The following EXT1 variants were observed in gnomAD, a reference collection of about 807,000 sequenced individuals.
The protein encoded by EXT1 is exostosin-1.
In EXT1, 20 loss-of-function variants were observed where a neutral mutation model predicts 82.5. That is an observed-to-expected ratio of 0.24 (90% CI 0.17 to 0.35). The LOEUF (loss-of-function observed/expected upper bound fraction) is 0.35. EXT1 is among the 10% of genes least tolerant of loss of function. The probability of loss-of-function intolerance (pLI) is 1.00; values close to 1 mark genes in which losing one functional copy is unlikely to be tolerated. For synonymous variants in EXT1, 348 were observed against 350.8 expected (o/e 0.99, Z 0.09); for missense variants, 757 against 936.5 (o/e 0.81, Z 2.50).
chr8:117,798,937 T>A lies in EXT1; in HGVS notation c.*775A>T, dbSNP rs1375124331. 1 of 152,278 alleles carries A rather than the reference T, an allele frequency of 6.6e-6. No individual in the cohort carries two copies. Among genetic ancestry groups the A allele is most frequent in the African/African-American group, 2.4e-5 (1 of 41,456 alleles). 9.4% of individuals were successfully genotyped at this position (152,278 alleles called of 1,614,324 possible). A position where few individuals can be genotyped will look rare whatever the true frequency, so the allele number is the denominator to read the frequency against. On this transcript the variant is annotated 3_prime_UTR_variant, in exon 11 of 11. Coordinates refer to ENST00000378204, the MANE Select transcript of EXT1 (RefSeq NM_000127.3). The stretch of plus-strand genomic sequence containing the variant: ...CTGTATTTCCATCTCACTAACATGC[T>A]GGTGGGTTATCTGGATAGTTCTTTG...
intron 1 of EXT1, among the ~76,000 whole-genome samples, chr8:117,858,295 C>T (rs904033970): frequency 3.3e-5 from 5 of 152,156 alleles, no homozygotes; most frequent in African/African-American, 1.2e-4. Flanking sequence ...ATGGAGAAAA[C>T]GATTCTTTCA....
chr8:117,978,060 G>T (rs1815106275), intron 1 of EXT1, among the ~76,000 whole-genome samples: 1 of 152,204 alleles, frequency 6.6e-6, no homozygotes, highest in African/African-American at 2.4e-5. Flanking sequence ...GTATCTATTT[G>T]AAAGAAGGCA....
intron 1 of EXT1, among the ~76,000 whole-genome samples, chr8:118,013,814 T>C (rs1370661041): frequency 6.6e-6 from 1 of 152,252 alleles, no homozygotes; most frequent in Non-Finnish European, 1.5e-5. Flanking sequence ...GATATACTTA[T>C]ACTAGTCATT....
chr8:118,051,242 G>C (rs1349007521), intron 1 of EXT1, among the ~76,000 whole-genome samples: 2 of 152,100 alleles, frequency 1.3e-5, no homozygotes, highest in African/African-American at 4.8e-5. Context: ...GAGGCTGAGA[G>C]GCGGGTGGAT....
intron 1 of EXT1, among the ~76,000 whole-genome samples, chr8:117,993,243 A>G (rs570357301): frequency 2.0e-5 from 3 of 152,368 alleles, no homozygotes; most frequent in African/African-American, 7.2e-5. Flanking sequence ...TTTTAAAAAA[A>G]AAGGAGAAAT....
At chr8:117,861,526 G>GCC (rs1554581959) in intron 1 of EXT1, among the ~76,000 whole-genome samples, 7 of 82,758 alleles carry the variant, frequency 8.5e-5, no homozygotes, top group Non-Finnish European at 1.2e-4. Context: ...ATAGAGTCTT[G>GCC]CTCTGTCACC....
chr8:118,052,660 G>C (rs1816736975), intron 1 of EXT1, among the ~76,000 whole-genome samples: 1 of 152,198 alleles, frequency 6.6e-6, no homozygotes, highest in Non-Finnish European at 1.5e-5. Flanking sequence ...CTCTCCAAAA[G>C]AAGTACTAGT....
intron 1 of EXT1, among the ~76,000 whole-genome samples, chr8:118,014,393 A>C (rs1435603197): frequency 1.3e-5 from 2 of 152,128 alleles, no homozygotes; most frequent in Non-Finnish European, 2.9e-5. Flanking sequence ...TATGCAAAAT[A>C]GTCTTGAATT....
chr8:117,837,511 G>A (rs183063878), intron 1 of EXT1, among the ~76,000 whole-genome samples: 7 of 152,248 alleles, frequency 4.6e-5, no homozygotes, highest in Non-Finnish European at 8.8e-5. Context: ...TTTAAGTCTT[G>A]ATAAAATATG....
intron 1 of EXT1, among the ~76,000 whole-genome samples, chr8:117,968,549 A>ATTTTTTTTTTTTTTTTTTTTTTT (rs1467121297): frequency 8.8e-5 from 1 of 11,318 alleles, no homozygotes; most frequent in Admixed American, 1.0e-3. Context: ...TTATTTATTT[A>ATTTTTTTTTTTTTTTTTTTTTTT]TTTATTTTTT....
intron 1 of EXT1, among the ~76,000 whole-genome samples, chr8:118,014,633 T>A (rs1323248791): frequency 3.3e-5 from 5 of 152,024 alleles, no homozygotes; most frequent in Non-Finnish European, 5.9e-5. Context: ...AGAGATGGAG[T>A]CTTGCTATGT....
intron 1 of EXT1, among the ~76,000 whole-genome samples, chr8:117,902,177 T>A (rs1813462261): frequency 6.6e-6 from 1 of 152,100 alleles, no homozygotes; most frequent in Non-Finnish European, 1.5e-5. Flanking sequence ...CGCATGGAGC[T>A]GTCATCTCCT....
chr8:118,018,570 A>G (rs1816045235), intron 1 of EXT1, among the ~76,000 whole-genome samples: 1 of 152,248 alleles, frequency 6.6e-6, no homozygotes, highest in African/African-American at 2.4e-5. Flanking sequence ...TTGTTACAGC[A>G]GACCTAGGAA....
At chr8:117,888,681 G>A (rs1049331826) in intron 1 of EXT1, among the ~76,000 whole-genome samples, 5 of 152,036 alleles carry the variant, frequency 3.3e-5, no homozygotes, top group South Asian at 4.2e-4. Flanking sequence ...TTCTCTTTAC[G>A]GTGGACTCTC....
At chr8:117,884,985 A>G (rs1041422313) in intron 1 of EXT1, among the ~76,000 whole-genome samples, 1 of 152,238 alleles carries the variant, frequency 6.6e-6, no homozygotes, top group African/African-American at 2.4e-5. Flanking sequence ...TAGTTAATAC[A>G]GGCCTGCTGA....
chr8:118,060,555 A>G (rs1223269715), intron 1 of EXT1, among the ~76,000 whole-genome samples: 2 of 152,178 alleles, frequency 1.3e-5, no homozygotes, highest in Non-Finnish European at 2.9e-5. Context: ...GCCAGTCCCC[A>G]GGGGCCTTAG....
intron 1 of EXT1, among the ~76,000 whole-genome samples, chr8:118,032,333 A>G (rs1816340643): frequency 6.6e-6 from 1 of 151,788 alleles, no homozygotes; most frequent in African/African-American, 2.4e-5. Flanking sequence ...AGTGAGGTCC[A>G]GCAATCTGTG....
At chr8:117,991,980 T>C (rs979164395) in intron 1 of EXT1, among the ~76,000 whole-genome samples, 5 of 152,222 alleles carry the variant, frequency 3.3e-5, no homozygotes, top group African/African-American at 1.2e-4. Flanking sequence ...AAACCCAGCA[T>C]GGCACCTCTG....
chr8:118,003,231 T>C (rs549374891), intron 1 of EXT1, among the ~76,000 whole-genome samples: 1 of 151,982 alleles, frequency 6.6e-6, no homozygotes, highest in African/African-American at 2.4e-5. Context: ...AATGAGAAAA[T>C]GGACTTTGGG....
Sources: allele counts gnomAD v4.1 joint callset (sites outside exome capture counted in the v4.1 genomes callset), GRCh38; gene constraint gnomAD v4.1.1; transcripts MANE v1.5; gene names NCBI Gene and HGNC (gene_info 2026-07-23, HGNC 2026-07-21).